Variants in MORN4 observed in about 807,000 individuals in gnomAD.
MORN4 encodes MORN repeat-containing protein 4.
Under a neutral mutation model 16.4 loss-of-function variants are expected in MORN4, and 8 were observed. The observed-to-expected ratio is 0.49, with a 90% CI of 0.29 to 0.88. The LOEUF is 0.88. MORN4 is among the 40% of genes least tolerant of loss of function. The pLI, the probability that MORN4 is intolerant of heterozygous loss-of-function variation, is 0.09. For missense variants in MORN4, 159 were observed against 182.9 expected, an observed-to-expected ratio of 0.87 and a Z score of 0.75; for synonymous variants, 53 against 68.9, an observed-to-expected ratio of 0.77 and a Z score of 1.14.
intron 2 of MORN4, among the ~76,000 whole-genome samples, chr10:97,618,264 T>C (rs1311517102): frequency 7.3e-6 from 1 of 136,380 alleles, no homozygotes; most frequent in African/African-American, 2.8e-5. Context: ...TCTTCTTTTT[T>C]TTTTTTTTTT....
rs1003817968 is a variant in MORN4 at position 97,614,896 on chromosome 10, T to C, written c.*1367A>G. ...ACCCCAGGGGTTCGGGTGAGTCTGA[T>C]TTATTGGTCCACTGGGAAGAAACTG... On this transcript the variant is annotated 3_prime_UTR_variant, in exon 5 of 5. Coordinates refer to ENST00000307450, the MANE Select transcript of MORN4 (RefSeq NM_178832.4). 6 of 152,726 alleles carry C rather than the reference T, an allele frequency of 3.9e-5. No individual in the cohort carries two copies. Among genetic ancestry groups the C allele is most frequent in the Admixed American group, 2.0e-4 (3 of 15,312 alleles). The allele number at this position is 152,726 out of a possible 1,614,324, so 9.5% of individuals were successfully genotyped here.
intron 1 of MORN4, among the ~76,000 whole-genome samples, chr10:97,627,006 C>T (rs146587007): frequency 0.013 from 2,029 of 152,030 alleles, 40 homozygotes; most frequent in African/African-American, 0.047. Flanking sequence ...ATCCTCCCGC[C>T]TTGGCCTCCC....
chr10:97,624,459 C>T (rs1375233981), intron 1 of MORN4, among the ~76,000 whole-genome samples: 1 of 152,132 alleles, frequency 6.6e-6, no homozygotes, highest in African/African-American at 2.4e-5. Context: ...GTTACCCAGC[C>T]TGGAATGCAG....
At chr10:97,626,097 C>T (rs1439950028) in intron 1 of MORN4, among the ~76,000 whole-genome samples, 5 of 146,052 alleles carry the variant, frequency 3.4e-5, no homozygotes, top group East Asian at 2.0e-4. Context: ...AGAGAACAAG[C>T]GGGCTGGGCA....
intron 1 of MORN4, among the ~76,000 whole-genome samples, chr10:97,631,762 C>T (rs1029519388): frequency 2.0e-5 from 3 of 152,022 alleles, no homozygotes; most frequent in Non-Finnish European, 4.4e-5. Context: ...AGTGAGACCT[C>T]ATCTCTACAA....
intron 1 of MORN4, among the ~76,000 whole-genome samples, chr10:97,621,507 A>C (rs532633783): frequency 3.3e-4 from 50 of 152,356 alleles, no homozygotes; most frequent in African/African-American, 1.1e-3. Flanking sequence ...TATGATAATG[A>C]AGCAAATTGT....
In MORN4 at chr10:97,616,373, G is replaced by A. The variant is rs139463743; in HGVS notation, c.331C>T (p.Arg111Cys). Reference protein sequence around the residue: ...TFPDGSHGIPRNEGLFENNKL... With the variant: ...TFPDGSHGIPCNEGLFENNKL... ...TTGTTCTCAAAGAGACCTTCATTGC[G>A]GGGGATTCCATGAGAACCATCAGGG... is the stretch of plus-strand genomic sequence containing the variant. The change falls in exon 5 of 5, where the codon CGC (arginine) becomes TGC (cysteine). Residue 111 changes from arginine (R) to cysteine (C), a missense_variant. Transcript: ENST00000307450. The A allele has an allele frequency of 8.6e-5, 139 of 1,611,470 alleles. No individual in the cohort carries two copies. In the African/African-American group the frequency reaches 9.7e-4, roughly 11 times the overall value.
chr10:97,615,018 T>C lies in MORN4; in HGVS notation c.*1245A>G, dbSNP rs559077528. ...CCTTTTCCCTGGAGTTAGTCACAAA[T>C]ACAAGTAATAAGATTACTGTTTACA... On this transcript the variant is annotated 3_prime_UTR_variant, in exon 5 of 5. Coordinates refer to ENST00000307450, the MANE Select transcript of MORN4 (RefSeq NM_178832.4). 6.5e-5 allele frequency: 10 copies of C among 152,742 alleles called. No homozygotes were observed. The East Asian group carries it at 1.5e-3, about 24-fold the overall frequency. 9.5% of individuals were successfully genotyped at this position (152,742 alleles called of 1,614,324 possible).
intron 1 of MORN4, among the ~76,000 whole-genome samples, chr10:97,632,212 C>CTTTTTTTTTTTTTTTTTTTTTTTT (rs1162979185): frequency 2.3e-5 from 2 of 86,974 alleles, no homozygotes; most frequent in Non-Finnish European, 4.2e-5. Context: ...TAATACTCCC[C>CTTTTTTTTTTTTTTTTTTTTTTTT]TTTTTTTTTT....
intron 1 of MORN4, among the ~76,000 whole-genome samples, chr10:97,629,874 T>A (rs1481500596): frequency 1.3e-5 from 2 of 151,942 alleles, no homozygotes; most frequent in African/African-American, 4.8e-5. Flanking sequence ...TTCTCCTGCC[T>A]TAGCTTCCTG....
chr10:97,623,757 A>G (rs1376672932), intron 1 of MORN4, among the ~76,000 whole-genome samples: 1 of 147,834 alleles, frequency 6.8e-6, no homozygotes, highest in Non-Finnish European at 1.5e-5. Flanking sequence ...TTTTTTTGAG[A>G]CAGAGTCTCA....
upstream of MORN4, among the ~76,000 whole-genome samples, chr10:97,634,029 C>G (rs2041420343): frequency 6.6e-6 from 1 of 152,192 alleles, no homozygotes; most frequent in African/African-American, 2.4e-5. Context: ...TGGCTCACAT[C>G]TGTAATCCCA....
chr10:97,617,278 T>C lies in MORN4; in HGVS notation c.112A>G (p.Thr38Ala). 1 of 1,614,144 alleles carries C rather than the reference T, an allele frequency of 6.2e-7. No homozygotes were observed. Among genetic ancestry groups the C allele is most frequent in the South Asian group, 1.1e-5 (1 of 91,088 alleles). Reference protein sequence around the residue: ...FGQLMFADGGTYLGHFENGLF... With the variant: ...FGQLMFADGGAYLGHFENGLF... ...CCATTCTCAAAATGACCCAGGTAGG[T>C]GCCACCATCTGCAAACATCAGTTGA... is the stretch of plus-strand genomic sequence containing the variant. The change falls in exon 3 of 5, where the codon ACC (threonine) becomes GCC (alanine). Residue 38 changes from threonine to alanine, a missense_variant. Transcript: ENST00000307450.
chr10:97,632,346 G>A (rs948595377), intron 1 of MORN4, among the ~76,000 whole-genome samples: 4 of 151,406 alleles, frequency 2.6e-5, no homozygotes, highest in African/African-American at 9.7e-5. Context: ...AGCCTCCTGG[G>A]TAGTTGGGAT....
intron 1 of MORN4, among the ~76,000 whole-genome samples, chr10:97,626,544 C>T (rs2041349385): frequency 2.0e-5 from 3 of 151,176 alleles, no homozygotes; most frequent in Admixed American, 2.0e-4. Context: ...CAACCTCCAC[C>T]TCCCGAGTTC....
rs769188551 is a variant in MORN4, at chr10:97,616,245, C to G, written c.*18G>C. ...ACTGGCTTTACCCAATACTTATCAG[C>G]TGGTGCCCACTGCGCTGTCAGGCAG... On this transcript the variant is annotated 3_prime_UTR_variant, in exon 5 of 5. Coordinates refer to ENST00000307450, the MANE Select transcript of MORN4 (RefSeq NM_178832.4). 2.6e-6 allele frequency: 4 copies of G among 1,555,204 alleles called. No homozygotes were observed. The highest frequency in any genetic ancestry group is 3.5e-6 in the Non-Finnish European group (4 of 1,152,186).
chr10:97,617,434 G>T lies in MORN4; in HGVS notation c.68-112C>A, dbSNP rs931555382. On this transcript the variant is annotated intron_variant, in intron 2 of 4. Transcript: ENST00000307450. ...CACCCTACCCACAAAGAAAACAAGA[G>T]AAGCAGTGACATTAGCAGGGCAGAG... 114 of 840,558 alleles carry T rather than the reference G, an allele frequency of 1.4e-4. No individual in the cohort carries two copies. The East Asian group carries it at 2.2e-3, about 16-fold the overall frequency. 52.1% of individuals were successfully genotyped at this position (840,558 alleles called of 1,614,324 possible).
At position 97,633,424 on chromosome 10, in the gene MORN4, C is replaced by T. The variant is rs993942471; in HGVS notation, c.-108G>A. 2 of 1,289,816 alleles carry T rather than the reference C, an allele frequency of 1.6e-6. No individual in the cohort carries two copies. The highest frequency in any genetic ancestry group is 1.1e-4 in the East Asian group (2 of 18,024). The allele number at this position is 1,289,816 out of a possible 1,614,324, so 79.9% of individuals were successfully genotyped here. Reference sequence around the variant, plus strand: ...CCTCGGACTTTTCCTCTGATGGGCTCCCGGCTGCCACCTTGCTCTCCGCCA... The same window carrying T: ...CCTCGGACTTTTCCTCTGATGGGCTTCCGGCTGCCACCTTGCTCTCCGCCA... On this transcript the variant is annotated 5_prime_UTR_variant, in exon 1 of 5. Coordinates refer to ENST00000307450, the MANE Select transcript of MORN4 (RefSeq NM_178832.4). The surrounding 1 kb of genome is among the most constrained non-coding windows in gnomAD (Gnocchi z 4.5).
At chr10:97,620,268 A>T (rs1016454922) in intron 1 of MORN4, among the ~76,000 whole-genome samples, 20 of 150,760 alleles carry the variant, frequency 1.3e-4, no homozygotes, top group Non-Finnish European at 2.7e-4. Flanking sequence ...GGGTGGGATG[A>T]CCTGAGGTCA....
Sources: allele counts gnomAD v4.1 joint callset (sites outside exome capture counted in the v4.1 genomes callset), GRCh38; gene constraint gnomAD v4.1.1; non-coding constraint Gnocchi (gnomAD v3.1); transcripts MANE v1.5; gene names NCBI Gene and HGNC (gene_info 2026-07-23, HGNC 2026-07-21).